Variants in EYS observed in about 807,000 individuals in gnomAD.
EYS encodes EGF-like photoreceptor maintenance factor, also known as protein eyes shut homolog.
In EYS, 250 loss-of-function variants were observed where a neutral mutation model predicts 282.1. The ratio of observed to expected loss-of-function variants is 0.89; its 90% CI spans 0.80 to 0.98. The LOEUF is 0.98. EYS is among the 50% of genes least tolerant of loss of function. The probability of loss-of-function intolerance (pLI) is 0.00; values close to 1 mark genes in which losing one functional copy is unlikely to be tolerated. For synonymous variants in EYS, 1,355 were observed against 1,282.9 expected, an observed-to-expected ratio of 1.06 and a Z score of -1.20; for missense variants, 4,016 against 3,709.0, an observed-to-expected ratio of 1.08 and a Z score of -2.15.
intron 14 of EYS, among the ~76,000 whole-genome samples, chr6:64,971,813 A>C (rs1770305359): frequency 6.6e-6 from 1 of 152,158 alleles, no homozygotes; most frequent in Non-Finnish European, 1.5e-5. Flanking sequence ...GATAGAGAGA[A>C]CATCATGAAA....
intron 19 of EYS, among the ~76,000 whole-genome samples, chr6:64,882,027 A>C (rs190698172): frequency 6.6e-6 from 1 of 151,914 alleles, no homozygotes; most frequent in African/African-American, 2.4e-5. Flanking sequence ...TGGATTTGCG[A>C]GTTCTAAGTG....
At chr6:64,372,960 C>G (rs751739379) in intron 29 of EYS, among the ~76,000 whole-genome samples, 27 of 152,146 alleles carry the variant, frequency 1.8e-4, no homozygotes, top group Non-Finnish European at 3.2e-4. Flanking sequence ...CTACCAGCTC[C>G]TATACTGTTT....
intron 36 of EYS, among the ~76,000 whole-genome samples, chr6:63,847,757 T>A (rs1413778754): frequency 1.3e-5 from 2 of 152,238 alleles, no homozygotes; most frequent in African/African-American, 4.8e-5. Flanking sequence ...CTATTCAAGT[T>A]TAGTTGATCT....
intron 11 of EYS, among the ~76,000 whole-genome samples, chr6:65,326,015 C>T (rs188103023): frequency 5.3e-5 from 8 of 152,180 alleles, no homozygotes; most frequent in African/African-American, 1.9e-4. Flanking sequence ...TCCCTTTGAT[C>T]ATAATTTTAA....
chr6:63,776,408 T>G (rs1441620008), intron 40 of EYS, among the ~76,000 whole-genome samples: 5 of 152,194 alleles, frequency 3.3e-5, no homozygotes, highest in African/African-American at 1.2e-4. Flanking sequence ...TGGGTCCTGC[T>G]GTACTACTCA....
chr6:65,210,258 CA>C (rs1210469857), intron 12 of EYS, among the ~76,000 whole-genome samples: 1 of 151,938 alleles, frequency 6.6e-6, no homozygotes, highest in Non-Finnish European at 1.5e-5. Context: ...GTTTCACAGG[CA>C]TAATGTTTCA....
chr6:64,144,245 A>T (rs906088166), intron 31 of EYS, among the ~76,000 whole-genome samples: 9 of 152,258 alleles, frequency 5.9e-5, no homozygotes, highest in African/African-American at 1.7e-4. Flanking sequence ...GAGACAAATG[A>T]CATTACTTTT....
At chr6:64,087,933 C>T (rs1050892951) in intron 31 of EYS, among the ~76,000 whole-genome samples, 3 of 152,042 alleles carry the variant, frequency 2.0e-5, no homozygotes, top group East Asian at 1.9e-4. Flanking sequence ...AAATGACTTC[C>T]GTGTTGCTTT....
intron 37 of EYS, among the ~76,000 whole-genome samples, chr6:63,801,525 C>G (rs1157246236): frequency 6.6e-6 from 1 of 151,916 alleles, no homozygotes; most frequent in Non-Finnish European, 1.5e-5. Flanking sequence ...AGAAGGGATA[C>G]AGGAGGGGAA....
chr6:64,512,799 T>C (rs1436425558), intron 26 of EYS, among the ~76,000 whole-genome samples: 1 of 151,990 alleles, frequency 6.6e-6, no homozygotes, highest in Non-Finnish European at 1.5e-5. Context: ...TGTACAATTT[T>C]TTAGAACACA....
At chr6:64,434,351 A>G (rs2150462257) in intron 28 of EYS, among the ~76,000 whole-genome samples, 1 of 152,222 alleles carries the variant, frequency 6.6e-6, no homozygotes, top group East Asian at 1.9e-4. Flanking sequence ...TTGTTATGGC[A>G]GCCCAGCATC....
intron 5 of EYS, among the ~76,000 whole-genome samples, chr6:65,440,124 A>G (rs1331964210): frequency 6.6e-6 from 1 of 152,102 alleles, no homozygotes; most frequent in Admixed American, 6.6e-5. Context: ...TCAATGGAAC[A>G]AATGGATAAA....
At chr6:64,610,740 C>A (rs770350192) in intron 24 of EYS, among the ~76,000 whole-genome samples, 1 of 152,038 alleles carries the variant, frequency 6.6e-6, no homozygotes, top group Non-Finnish European at 1.5e-5. Context: ...CACAGCTGTG[C>A]CATAATAAAA....
At chr6:65,654,725 T>C (rs930928052) in intron 1 of EYS, among the ~76,000 whole-genome samples, 5 of 151,238 alleles carry the variant, frequency 3.3e-5, no homozygotes, top group Non-Finnish European at 5.9e-5. Flanking sequence ...AAACGCTCAA[T>C]AAAAGGGAAA....
intron 26 of EYS, among the ~76,000 whole-genome samples, chr6:64,495,992 T>A (rs9444889): frequency 0.021 from 3,256 of 152,018 alleles, 60 homozygotes; most frequent in African/African-American, 0.053. Flanking sequence ...TTAACATATT[T>A]TTCCTACTAG....
In EYS at chr6:64,129,731, C is replaced by G. The variant is rs1432164168; in HGVS notation, c.6425-47729G>C. ...ATGCCTATGTCCTGAATGGTATTGCCTAGGTTTTTTTCTAGGGGTTTTATG... is the reference window on the plus strand; with the variant it reads ...ATGCCTATGTCCTGAATGGTATTGCGTAGGTTTTTTTCTAGGGGTTTTATG... On this transcript the variant is annotated intron_variant, in intron 31 of 42. Transcript: ENST00000503581. Among the ~76,000 whole-genome samples the G allele has an allele frequency of 8.5e-5, 13 of 152,256 alleles. No individual in the cohort carries two copies. In the South Asian group the frequency reaches 2.7e-3, roughly 32 times the overall value.
intron 35 of EYS, among the ~76,000 whole-genome samples, chr6:63,981,781 T>C (rs1286856331): frequency 6.6e-6 from 1 of 151,802 alleles, no homozygotes; most frequent in East Asian, 1.9e-4. Context: ...ATACATTTTT[T>C]TGTGGGAAAA....
chr6:64,843,360 G>T (rs183140927), intron 19 of EYS, among the ~76,000 whole-genome samples: 3 of 152,248 alleles, frequency 2.0e-5, no homozygotes, highest in Admixed American at 2.0e-4. Flanking sequence ...ACCTGGAAAA[G>T]CCTCAGACAC....
At position 64,681,516 on chromosome 6, in the gene EYS, G is replaced by T. The variant is rs190488194; in HGVS notation, c.3444-55271C>A. Among the ~76,000 whole-genome samples the T allele has an allele frequency of 6.2e-4, 94 of 152,284 alleles. 1 individual carries two copies. The highest frequency in any genetic ancestry group is 2.2e-3 in the African/African-American group (90 of 41,568). ...TTTAGGTAGTTAGGCAGTTAGACAGGCATGAGTGGGGCTGGCGAGGGCTCT... is the reference window on the plus strand; with the variant it reads ...TTTAGGTAGTTAGGCAGTTAGACAGTCATGAGTGGGGCTGGCGAGGGCTCT... On this transcript the variant is annotated intron_variant, in intron 22 of 42. Coordinates refer to ENST00000503581, the MANE Select transcript of EYS (RefSeq NM_001142800.2).
Sources: allele counts gnomAD v4.1 joint callset (sites outside exome capture counted in the v4.1 genomes callset), GRCh38; gene constraint gnomAD v4.1.1; transcripts MANE v1.5; gene names NCBI Gene and HGNC (gene_info 2026-07-23, HGNC 2026-07-21).